GSPT1: variants seen among roughly 807,000 people sequenced by gnomAD.
GSPT1 encodes the protein eukaryotic peptide chain release factor GTP-binding subunit ERF3A.
GSPT1 carries 20 observed loss-of-function variants against 72.5 expected under a neutral mutation model. The ratio of observed to expected loss-of-function variants is 0.28; its 90% CI spans 0.19 to 0.40. The LOEUF is 0.40. Among genes scored for constraint, GSPT1 ranks in the 10% least tolerant of loss-of-function variants. The probability of loss-of-function intolerance (pLI) is 1.00; values close to 1 mark genes in which losing one functional copy is unlikely to be tolerated. For missense variants in GSPT1, 580 were observed against 811.9 expected (o/e 0.71, Z 3.47); for synonymous variants, 334 against 293.5 (o/e 1.14, Z -1.41).
intron 1 of GSPT1, among the ~76,000 whole-genome samples, chr16:11,910,091 C>T (rs7204312): frequency 2.0e-5 from 3 of 151,884 alleles, no homozygotes; most frequent in South Asian, 2.1e-4. Flanking sequence ...AGTAAGATCC[C>T]GTCTCTAAAA....
At chr16:11,883,685 C>A (rs926486698) in intron 10 of GSPT1, among the ~76,000 whole-genome samples, 1 of 151,218 alleles carries the variant, frequency 6.6e-6, no homozygotes, top group Non-Finnish European at 1.5e-5. Flanking sequence ...GAGGCCGAAG[C>A]GGGTGGATCA....
chr16:11,888,480 G>A (rs1277841427), intron 6 of GSPT1, among the ~76,000 whole-genome samples: 1 of 149,350 alleles, frequency 6.7e-6, no homozygotes, highest in Admixed American at 6.7e-5. Flanking sequence ...AAAAAAAAAG[G>A]GCTAGGTGCA....
At chr16:11,873,246 T>C (rs2053998276) in intron 14 of GSPT1, 75 bp from the exon 15 acceptor site, 4 of 710,290 alleles carry the variant, frequency 5.6e-6, no homozygotes, top group Non-Finnish European at 9.8e-6. Context: ...CTTATTATTT[T>C]AAATCACAAA....
chr16:11,878,797 G>C (rs903463646), intron 11 of GSPT1, among the ~76,000 whole-genome samples: 3 of 152,168 alleles, frequency 2.0e-5, no homozygotes, highest in African/African-American at 7.2e-5. Context: ...TGCAGGCCAG[G>C]TGCAGTGGCT....
chr16:11,902,523 G>C (rs2150883200), intron 1 of GSPT1, among the ~76,000 whole-genome samples: 1 of 150,692 alleles, frequency 6.6e-6, no homozygotes, highest in Non-Finnish European at 1.5e-5. Context: ...ATGAAGTGAA[G>C]ACTTTACCAG....
In GSPT1 at chr16:11,908,658, A is replaced by G. The variant is rs1174927723; in HGVS notation, c.352+6711T>C. 5 of 97,098 alleles carry G rather than the reference A, an allele frequency of 5.1e-5. 2 individuals carry two copies. Among genetic ancestry groups the G allele is most frequent in the African/African-American group, 2.9e-4 (5 of 17,444 alleles). The allele number at this position is 97,098 out of a possible 1,614,324, so 6.0% of individuals were successfully genotyped here. A position where few individuals can be genotyped will look rare whatever the true frequency, so the allele number is the denominator to read the frequency against. On this transcript the variant is annotated intron_variant, in intron 1 of 14. Coordinates refer to ENST00000434724, the MANE Select transcript of GSPT1 (RefSeq NM_002094.4). Reference sequence around the variant, plus strand: ...GCCTGTAGTCCCAGCTACTTGGGAGACTGAGGCGGGAGAATGGCGTGAACC... The same window carrying G: ...GCCTGTAGTCCCAGCTACTTGGGAGGCTGAGGCGGGAGAATGGCGTGAACC...
chr16:11,872,391 A>G lies in GSPT1; in HGVS notation c.*728T>C, dbSNP rs527733622. 1 of 151,710 alleles carries G rather than the reference A, an allele frequency of 6.6e-6. No homozygotes were observed. Among genetic ancestry groups the G allele is most frequent in the East Asian group, 1.9e-4 (1 of 5,204 alleles). 9.4% of individuals were successfully genotyped at this position (151,710 alleles called of 1,614,324 possible). On this transcript the variant is annotated 3_prime_UTR_variant, in exon 15 of 15. Coordinates refer to ENST00000434724, the MANE Select transcript of GSPT1 (RefSeq NM_002094.4). ...TACAATATAAATTGGCAAAAAAAAA[A>G]AAAATAAATAAATAACTAAAAGACC...
intron 3 of GSPT1, 75 bp from the exon 4 acceptor site, chr16:11,896,860 A>G: frequency 1.0e-6 from 1 of 971,934 alleles, no homozygotes; most frequent in Non-Finnish European, 1.6e-6. Flanking sequence ...TAGCTTTAAA[A>G]CAACAAATGG....
upstream of GSPT1, chr16:11,915,976 C>T (rs774706820): frequency 1.1e-5 from 8 of 713,730 alleles, no homozygotes. Flanking sequence ...CCCACCCAAC[C>T]ACCTCCGACG....
chr16:11,889,454 C>T (rs2054227460), intron 6 of GSPT1, among the ~76,000 whole-genome samples: 1 of 147,908 alleles, frequency 6.8e-6, no homozygotes, highest in Non-Finnish European at 1.5e-5. Flanking sequence ...TCTCCTGCCT[C>T]AGCCTCCCAA....
At chr16:11,878,556 C>T (rs774370352) in intron 11 of GSPT1, among the ~76,000 whole-genome samples, 12 of 150,582 alleles carry the variant, frequency 8.0e-5, no homozygotes, top group East Asian at 1.9e-4. Flanking sequence ...ATCACACTAC[C>T]GCACTGTAGC....
At chr16:11,904,263 T>A (rs1192835667) in intron 1 of GSPT1, 1 of 152,418 alleles carries the variant, frequency 6.6e-6, no homozygotes, top group Non-Finnish European at 1.5e-5. Flanking sequence ...AGTGCAGTGG[T>A]GCAATCTCGG....
chr16:11,911,852 G>GTTTTT (rs1248759113), intron 1 of GSPT1, among the ~76,000 whole-genome samples: 2 of 60,416 alleles, frequency 3.3e-5, no homozygotes, highest in Non-Finnish European at 3.6e-5. Flanking sequence ...GCACCCAGCT[G>GTTTTT]TATTTTTTTT....
intron 3 of GSPT1, among the ~76,000 whole-genome samples, chr16:11,897,405 T>TG (rs1305453889): frequency 2.6e-5 from 4 of 152,038 alleles, no homozygotes; most frequent in African/African-American, 9.7e-5. Context: ...ATCAACATGG[T>TG]GAAACCCCGC....
At chr16:11,899,900 C>G (rs2054384345) in intron 1 of GSPT1, among the ~76,000 whole-genome samples, 1 of 152,144 alleles carries the variant, frequency 6.6e-6, no homozygotes, top group South Asian at 2.1e-4. Context: ...GATATACCAT[C>G]TACCTGAGAG....
intron 11 of GSPT1, among the ~76,000 whole-genome samples, chr16:11,879,427 C>T (rs1440948077): frequency 2.8e-5 from 4 of 144,614 alleles, no homozygotes; most frequent in Non-Finnish European, 6.0e-5. Context: ...GTTTAGAAGT[C>T]ACTCACCTAA....
At chr16:11,907,040 G>A (rs2054498986) in intron 1 of GSPT1, among the ~76,000 whole-genome samples, 1 of 152,112 alleles carries the variant, frequency 6.6e-6, no homozygotes, top group Non-Finnish European at 1.5e-5. Flanking sequence ...AAAATAAAAA[G>A]GCTCGGTACA....
chr16:11,913,031 A>T (rs1221837740), intron 1 of GSPT1, among the ~76,000 whole-genome samples: 1 of 152,236 alleles, frequency 6.6e-6, no homozygotes, highest in Non-Finnish European at 1.5e-5. Flanking sequence ...GCTTAACTAA[A>T]GAACAGAACA....
intron 1 of GSPT1, among the ~76,000 whole-genome samples, chr16:11,912,373 A>AC (rs1364862847): frequency 2.0e-5 from 3 of 150,968 alleles, no homozygotes; most frequent in Admixed American, 6.6e-5. Context: ...CAAAAAAAAA[A>AC]CCTCCTCTTC....
Sources: gnomAD v4.1 joint callset for allele counts (sites outside exome capture counted in the v4.1 genomes callset) on GRCh38, gnomAD v4.1.1 for gene constraint, MANE v1.5 for transcripts, NCBI Gene and HGNC (gene_info 2026-07-23, HGNC 2026-07-21) for gene names.